The following PHLDB1 variants were observed in gnomAD, a reference collection of about 807,000 sequenced individuals.
The protein encoded by PHLDB1 is pleckstrin homology-like domain family B member 1.
A neutral mutation model predicts 139.3 loss-of-function variants in PHLDB1; 65 were observed. The observed-to-expected ratio is 0.47, with a 90% CI of 0.38 to 0.57. The LOEUF (loss-of-function observed/expected upper bound fraction) is 0.57. PHLDB1 is among the 20% of genes least tolerant of loss of function. PHLDB1 has a pLI of 0.00. For missense variants in PHLDB1, 1,624 were observed against 1,839.7 expected, an observed-to-expected ratio of 0.88 and a Z score of 2.14; for synonymous variants, 679 against 734.5, an observed-to-expected ratio of 0.92 and a Z score of 1.22.
chr11:118,634,410 C>T (rs1945272944), intron 9 of PHLDB1: 1 of 152,420 alleles, frequency 6.6e-6, no homozygotes, highest in South Asian at 2.1e-4. Flanking sequence ...CTCACCATCA[C>T]TACCCTTTTT....
chr11:118,629,766 C>G (rs1944467385), intron 6 of PHLDB1, among the ~76,000 whole-genome samples: 1 of 152,170 alleles, frequency 6.6e-6, no homozygotes, highest in African/African-American at 2.4e-5. Context: ...AAGCTGGGGT[C>G]TCATCCTGGA....
rs1555103280 is a variant in PHLDB1 at position 118,627,557 on chromosome 11, G to T, written c.734G>T (p.Gly245Val). 6.2e-7 allele frequency: 1 copy of T among 1,614,008 alleles called. No homozygotes were observed. The highest frequency in any genetic ancestry group is 8.5e-7 in the Non-Finnish European group (1 of 1,179,996). Reference protein sequence around the residue: ...PPTSPGAMSVGSSYENTSPAF... With the variant: ...PPTSPGAMSVVSSYENTSPAF... ...ACCAGCCCCGGCGCCATGTCTGTGG[G>T]CTCCAGCTATGAGAACACCTCTCCA... The change falls in exon 6 of 23, where the codon GGC becomes GTC. Residue 245 changes from glycine to valine, a missense_variant. Gly to Val is a moderately radical substitution (Grantham distance 109). Transcript: ENST00000600882.
At position 118,613,853 on chromosome 11, in the gene PHLDB1, GGAAC is replaced by G. The variant is rs1297514031; in HGVS notation, c.18_21del (p.Arg6SerfsTer3). 5 of 1,612,542 alleles carry G rather than the reference GGAAC, an allele frequency of 3.1e-6. No homozygotes were observed. The African/African-American group carries it at 5.3e-5, about 17-fold the overall frequency. On this transcript the variant is annotated frameshift_variant, in exon 2 of 23. Coordinates refer to ENST00000600882, the MANE Select transcript of PHLDB1 (RefSeq NM_001144758.3). LOFTEE classifies it high-confidence loss of function. Reference sequence around the variant, plus strand: ...CTTAGGACCATGGACGCTCTCAATAGGAACCAAATAGGCCCTGGATGCCAGACCC... The same window carrying G: ...CTTAGGACCATGGACGCTCTCAATAGCAAATAGGCCCTGGATGCCAGACCC...
Position 118,656,999 on chromosome 11 carries a change from C to A in PHLDB1, c.*176C>A. On this transcript the variant is annotated 3_prime_UTR_variant, in exon 23 of 23. Transcript: ENST00000600882. ...CTGGGAGCCCAGAACTTGCAGTAAC[C>A]CTTTAGGGTCCTGCCCCAGGCCCAG... 1.8e-6 allele frequency: 1 copy of A among 567,670 alleles called. No homozygotes were observed. Among genetic ancestry groups the A allele is most frequent in the East Asian group, 2.9e-5 (1 of 34,928 alleles). 35.2% of individuals were successfully genotyped at this position (567,670 alleles called of 1,614,324 possible). A position where few individuals can be genotyped will look rare whatever the true frequency, so the allele number is the denominator to read the frequency against.
At chr11:118,629,434 G>T (rs1555107775) in intron 6 of PHLDB1, among the ~76,000 whole-genome samples, 1 of 152,224 alleles carries the variant, frequency 6.6e-6, no homozygotes, top group African/African-American at 2.4e-5. Context: ...AGCTTAAGGG[G>T]CTCTGGCTGG....
At chr11:118,609,203 CCA>C (rs1429013644) in intron 1 of PHLDB1, among the ~76,000 whole-genome samples, 10 of 147,340 alleles carry the variant, frequency 6.8e-5, no homozygotes, top group East Asian at 2.0e-4. Flanking sequence ...ACACACAGCC[CCA>C]GTTATACACA....
At position 118,628,566 on chromosome 11, in the gene PHLDB1, G is replaced by A. The variant is rs1012814985; in HGVS notation, c.1743G>A (p.Glu581=). ...GGGAGCGGAAAAATAGCATCACAGA[G>A]ATCAGTGACAATGAGGACGACCTCC... ...VTRERKNSIT[E]ISDNEDDLLE... The change falls in exon 6 of 23, where the codon GAG becomes GAA. Residue 581 remains glutamate, a synonymous_variant. Coordinates refer to ENST00000600882, the MANE Select transcript of PHLDB1 (RefSeq NM_001144758.3). 1 of 1,613,090 alleles carries A rather than the reference G, an allele frequency of 6.2e-7. No homozygotes were observed. The highest frequency in any genetic ancestry group is 1.1e-5 in the South Asian group (1 of 91,066).
Position 118,645,114 on chromosome 11 carries a change from T to C in PHLDB1, c.3122-242T>C. On this transcript the variant is annotated intron_variant, in intron 15 of 22. Coordinates refer to ENST00000600882, the MANE Select transcript of PHLDB1 (RefSeq NM_001144758.3). This position sits in a 1 kb window ranked among gnomAD's most constrained non-coding sequence, Gnocchi z 5.1. ...GGTAGGTTTGGTGTCCTATATGGAC[T>C]CAGGGTGCGAAAGAGCACTGAAGCC... 2 of 471,976 alleles carry C rather than the reference T, an allele frequency of 4.2e-6. No individual in the cohort carries two copies. The highest frequency in any genetic ancestry group is 7.4e-6 in the Non-Finnish European group (2 of 269,546). The allele number at this position is 471,976 out of a possible 1,614,324, so 29.2% of individuals were successfully genotyped here.
rs782074149 is a variant in PHLDB1 at position 118,628,363 on chromosome 11, C to T, written c.1540C>T (p.Arg514Cys). The T allele has an allele frequency of 1.1e-5, 17 of 1,611,468 alleles. No individual in the cohort carries two copies. The highest frequency in any genetic ancestry group is 4.5e-5 in the East Asian group (2 of 44,804). ...CTCCCTGACGCTGGGGGCACGGGGC[C>T]GTAGGACACGGAGCCCCTCACCCAC... Reference protein sequence around the residue: ...DFSLTLGARGRRTRSPSPTLG... With the variant: ...DFSLTLGARGCRTRSPSPTLG... The change falls in exon 6 of 23, where the codon CGT becomes TGT. Residue 514 changes from arginine (R) to cysteine (C), a missense_variant. Physicochemically the swap from Arg to Cys is radical, Grantham distance 180 (BLOSUM62 -3). Transcript: ENST00000600882.
chr11:118,644,791 G>C (rs1199245664), intron 15 of PHLDB1: 1 of 742,182 alleles, frequency 1.3e-6, no homozygotes, highest in East Asian at 7.5e-5. Context: ...CTGCAGGCAG[G>C]GTCCCAGGCT....
rs781900764 is a variant in PHLDB1 at position 118,639,190 on chromosome 11, G to A, written c.2675G>A (p.Arg892Lys). Residue 892 changes from arginine to lysine, a missense_variant, in exon 12 of 23, where the codon AGG becomes AAG. By Grantham distance (26) the Arg-to-Lys change is conservative. Coordinates refer to ENST00000600882, the MANE Select transcript of PHLDB1 (RefSeq NM_001144758.3). ...KEKEKLTVLE[R>K]RYHSLTGGRP... The stretch of plus-strand genomic sequence containing the variant: ...AAGGAGAAGCTGACTGTGCTGGAAA[G>A]GAGATACCACTCACTCACAGGGGGC... The A allele has an allele frequency of 6.2e-7, 1 of 1,614,142 alleles. No homozygotes were observed. Among genetic ancestry groups the A allele is most frequent in the Non-Finnish European group, 8.5e-7 (1 of 1,179,984 alleles).
At chr11:118,634,475 G>C (rs989476954) in intron 9 of PHLDB1, 5 of 152,904 alleles carry the variant, frequency 3.3e-5, no homozygotes, top group African/African-American at 1.2e-4. Flanking sequence ...GATGAGAGCT[G>C]GAGGCTCTGT....
At chr11:118,642,135 T>G (rs782723165) in intron 12 of PHLDB1, 119 bp from the exon 13 acceptor site, 1 of 960,490 alleles carries the variant, frequency 1.0e-6, no homozygotes, top group Non-Finnish European at 1.6e-6. Context: ...TTCCCCTTCC[T>G]TCTTCCTCTT....
chr11:118,624,740 T>C (rs1197307899), intron 4 of PHLDB1, 194 bp from the exon 5 acceptor site: 1 of 549,964 alleles, frequency 1.8e-6, no homozygotes, highest in Non-Finnish European at 3.3e-6. Flanking sequence ...TAGCTGGGAT[T>C]ATGGGATTAC....
chr11:118,613,493 G>A, intron 1 of PHLDB1: 3 of 1,033,706 alleles, frequency 2.9e-6, no homozygotes, highest in Non-Finnish European at 3.5e-6. Context: ...AGGGCCAAGG[G>A]TCTTCAGCTG....
At chr11:118,639,279 C>T (rs1946140451) in intron 12 of PHLDB1, 28 bp downstream of exon 12, 3 of 1,565,238 alleles carry the variant, frequency 1.9e-6, no homozygotes, top group East Asian at 2.2e-5. Context: ...GCCCCAGCTT[C>T]AGGCCCAAGG....
In PHLDB1 at chr11:118,645,946, T is replaced by C; in HGVS notation, c.3507+121T>C. ...CCACATTAGCCTTGCCACATTCCCT[T>C]GGGGTAGAAAATGTTTTAAAAGGTT... On this transcript the variant is annotated intron_variant, in intron 17 of 22. Coordinates refer to ENST00000600882, the MANE Select transcript of PHLDB1 (RefSeq NM_001144758.3). This position sits in a 1 kb window ranked among gnomAD's most constrained non-coding sequence, Gnocchi z 5.1. 1.4e-6 allele frequency: 1 copy of C among 736,672 alleles called. No homozygotes were observed. The highest frequency in any genetic ancestry group is 2.4e-6 in the Non-Finnish European group (1 of 408,366). The allele number at this position is 736,672 out of a possible 1,614,324, so 45.6% of individuals were successfully genotyped here.
At chr11:118,642,041 T>C in intron 12 of PHLDB1, 1 of 649,086 alleles carries the variant, frequency 1.5e-6, no homozygotes, top group East Asian at 2.7e-5. Context: ...TTCTTTTTCT[T>C]GATGCTCTCC....
chr11:118,641,470 G>C (rs894936314), intron 12 of PHLDB1: 6 of 329,652 alleles, frequency 1.8e-5, no homozygotes, highest in South Asian at 1.4e-4. Context: ...TGAGGGTGTC[G>C]AGTTGAGAGG....
Sources: gnomAD v4.1 joint callset for allele counts (sites outside exome capture counted in the v4.1 genomes callset) on GRCh38, gnomAD v4.1.1 for gene constraint, Gnocchi (gnomAD v3.1) non-coding constraint, MANE v1.5 for transcripts, NCBI Gene and HGNC (gene_info 2026-07-23, HGNC 2026-07-21) for gene names.